RSF1: variants seen among roughly 807,000 people sequenced by gnomAD.
The protein encoded by RSF1 is HBV pX-associated protein 8.
Under a neutral mutation model 145.2 loss-of-function variants are expected in RSF1, and 13 were observed. The ratio of observed to expected loss-of-function variants is 0.09; its 90% CI spans 0.06 to 0.14. The LOEUF (loss-of-function observed/expected upper bound fraction) is 0.14. Ranked by LOEUF, RSF1 falls within the 10% of genes least tolerant of loss-of-function variation. The pLI, the probability that RSF1 is intolerant of heterozygous loss-of-function variation, is 1.00. For missense variants in RSF1, 1,517 were observed against 1,718.2 expected, an observed-to-expected ratio of 0.88 and a Z score of 2.07; for synonymous variants, 577 against 592.6, an observed-to-expected ratio of 0.97 and a Z score of 0.38.
Position 77,729,895 on chromosome 11 carries a change from CAAAAAAAA to C in RSF1, c.579-4204_579-4197del, listed in dbSNP as rs398045289. Among the ~76,000 whole-genome samples the C allele has an allele frequency of 5.7e-3, 278 of 48,948 alleles. 5 individuals are homozygous for C. The Middle Eastern group carries it at 0.13, about 24-fold the overall frequency. 32.1% of individuals were successfully genotyped at this position (48,948 alleles called of 152,430 possible). ...TATAAATGCCAAATTATTCAGTAGG[CAAAAAAAA>C]AAAAAAAAAAAAAAAAAAAATTGTG... On this transcript the variant is annotated intron_variant, in intron 4 of 15. Coordinates refer to ENST00000308488, the MANE Select transcript of RSF1 (RefSeq NM_016578.4).
chr11:77,771,141 G>C (rs1005605569), intron 1 of RSF1, among the ~76,000 whole-genome samples: 1 of 152,180 alleles, frequency 6.6e-6, no homozygotes, highest in Non-Finnish European at 1.5e-5. Flanking sequence ...TAAAAAGAAA[G>C]AATGACGTGA....
At chr11:77,801,554 G>A (rs1315828122) in intron 1 of RSF1, among the ~76,000 whole-genome samples, 4 of 152,134 alleles carry the variant, frequency 2.6e-5, no homozygotes, top group African/African-American at 9.7e-5. Context: ...TGTGCTCTTT[G>A]GACCTGGTTC....
intron 2 of RSF1, among the ~76,000 whole-genome samples, chr11:77,758,141 A>T (rs776348137): frequency 2.5e-5 from 2 of 79,954 alleles, no homozygotes; most frequent in African/African-American, 6.6e-5. Context: ...GTCTCAGAAG[A>T]AAAAAAAAAA....
chr11:77,677,437 G>T (rs899298247), intron 12 of RSF1, among the ~76,000 whole-genome samples: 1 of 152,170 alleles, frequency 6.6e-6, no homozygotes, highest in Admixed American at 6.5e-5. Context: ...TTAGAAAGAG[G>T]CCAATAGAGT....
At chr11:77,733,589 T>A (rs2135899010) in intron 4 of RSF1, among the ~76,000 whole-genome samples, 1 of 147,622 alleles carries the variant, frequency 6.8e-6, no homozygotes, top group African/African-American at 2.5e-5. Context: ...AGACACAGGG[T>A]CTCACTCTGT....
chr11:77,770,947 A>G (rs1299806629), intron 1 of RSF1, among the ~76,000 whole-genome samples: 1 of 152,216 alleles, frequency 6.6e-6, no homozygotes, highest in African/African-American at 2.4e-5. Flanking sequence ...TTATACTTAT[A>G]TAACCACTAT....
At chr11:77,785,897 A>C (rs983383491) in intron 1 of RSF1, among the ~76,000 whole-genome samples, 4 of 124,364 alleles carry the variant, frequency 3.2e-5, no homozygotes, top group Non-Finnish European at 6.4e-5. Flanking sequence ...CTGCACTCCA[A>C]CCTGGGCGAC....
intron 1 of RSF1, among the ~76,000 whole-genome samples, chr11:77,817,210 G>A (rs922260113): frequency 1.3e-5 from 2 of 152,186 alleles, no homozygotes; most frequent in Admixed American, 1.3e-4. Flanking sequence ...GTAGCCATGT[G>A]AAAAAATAAC....
intron 1 of RSF1, among the ~76,000 whole-genome samples, chr11:77,775,161 T>A (rs917779455): frequency 1.3e-5 from 2 of 150,790 alleles, no homozygotes; most frequent in Admixed American, 1.3e-4. Context: ...GACAGGAGAA[T>A]CTCTTGAACC....
chr11:77,677,524 A>G (rs1959740393), intron 12 of RSF1, among the ~76,000 whole-genome samples: 1 of 152,212 alleles, frequency 6.6e-6, no homozygotes, highest in Non-Finnish European at 1.5e-5. Context: ...ACATCTCTGG[A>G]AAAGCCTTAA....
chr11:77,698,584 G>A lies in RSF1; in HGVS notation c.2618C>T (p.Ala873Val). The change falls in exon 7 of 16, where the codon GCT becomes GTT. Residue 873 changes from alanine to valine, a missense_variant. Physicochemically the swap from Ala to Val is moderately conservative, Grantham distance 64. This residue lies in a region of RSF1 where 579 missense variants were observed against 553.5 expected (regional missense o/e 1.05). Transcript: ENST00000308488. ...TTCCTTTTCTTCCTCCTCTTCTGAAGCTGCAGATGATTTTTCACTGCCAGA... is the reference window on the plus strand; with the variant it reads ...TTCCTTTTCTTCCTCCTCTTCTGAAACTGCAGATGATTTTTCACTGCCAGA... Reference protein sequence around the residue: ...EGSGSEKSSAASEEEEEKESE... With the variant: ...EGSGSEKSSAVSEEEEEKESE... The A allele has an allele frequency of 6.2e-7, 1 of 1,614,034 alleles. No individual in the cohort carries two copies.
chr11:77,696,538 T>C (rs574708179), intron 7 of RSF1, among the ~76,000 whole-genome samples: 1 of 150,412 alleles, frequency 6.6e-6, no homozygotes, highest in East Asian at 1.9e-4. Flanking sequence ...TCATTCACAA[T>C]ATAATTTCTG....
chr11:77,798,451 C>A (rs1948593791), intron 1 of RSF1, among the ~76,000 whole-genome samples: 1 of 151,432 alleles, frequency 6.6e-6, no homozygotes, highest in African/African-American at 2.4e-5. Context: ...CAGGCACACA[C>A]ACGCCTATAA....
At chr11:77,751,745 C>T (rs1257948295) in intron 2 of RSF1, among the ~76,000 whole-genome samples, 1 of 152,180 alleles carries the variant, frequency 6.6e-6, no homozygotes, top group South Asian at 2.1e-4. Context: ...CCACTCCTCT[C>T]CCTATTCCCT....
intron 4 of RSF1, among the ~76,000 whole-genome samples, chr11:77,733,974 T>C (rs989196100): frequency 6.6e-6 from 1 of 152,226 alleles, no homozygotes; most frequent in Admixed American, 6.5e-5. Flanking sequence ...ACTTTTATCT[T>C]CTTTCATTGA....
At chr11:77,734,948 G>C (rs2135901283) in intron 4 of RSF1, 1 of 1,595,858 alleles carries the variant, frequency 6.3e-7, no homozygotes, top group Non-Finnish European at 8.5e-7. Context: ...CAGAGCTCTA[G>C]GTTGATCTGG....
At chr11:77,709,009 C>G (rs1960617018) in intron 5 of RSF1, among the ~76,000 whole-genome samples, 1 of 152,186 alleles carries the variant, frequency 6.6e-6, no homozygotes, top group Non-Finnish European at 1.5e-5. Context: ...ATTAATAAAA[C>G]AGGTGGCACA....
At chr11:77,703,658 C>A (rs908948241) in intron 5 of RSF1, 4 of 152,080 alleles carry the variant, frequency 2.6e-5, no homozygotes, top group African/African-American at 9.7e-5. Context: ...AATAAAAAAG[C>A]CAAGAACCAT....
At chr11:77,871,697 C>T in the RSF1 span, among the ~76,000 whole-genome samples, 60,253 of 151,964 alleles carry the variant, frequency 0.4, 12,488 homozygotes, top group African/African-American at 0.5. Flanking sequence ...TCTTAGCTAG[C>T]ATGCGGCAAA....
Sources: allele counts gnomAD v4.1 joint callset (sites outside exome capture counted in the v4.1 genomes callset), GRCh38; gene constraint gnomAD v4.1.1; regional missense constraint gnomAD v4.1.1; transcripts MANE v1.5; gene names NCBI Gene and HGNC (gene_info 2026-07-23, HGNC 2026-07-21).